The following LMO7 variants were observed in gnomAD, a reference collection of about 807,000 sequenced individuals.
LMO7 encodes LIM domain only protein 7.
Under a neutral mutation model 206.5 loss-of-function variants are expected in LMO7, and 120 were observed. The observed-to-expected ratio is 0.58, with a 90% CI of 0.50 to 0.68. The LOEUF is 0.68. LMO7 is among the 30% of genes least tolerant of loss of function. The pLI is 0.00. For synonymous variants in LMO7, 706 were observed against 681.5 expected (o/e 1.04, Z -0.56); for missense variants, 1,959 against 1,957.9 (o/e 1.00, Z -0.01).
At chr13:75,810,388 A>G (rs2056207992) in intron 11 of LMO7, among the ~76,000 whole-genome samples, 1 of 152,218 alleles carries the variant, frequency 6.6e-6, no homozygotes, top group South Asian at 2.1e-4. Context: ...GTTGGAAGCT[A>G]CTAAATGTAA....
At chr13:75,702,310 A>T (rs1566326246) in intron 1 of LMO7, among the ~76,000 whole-genome samples, 1 of 152,112 alleles carries the variant, frequency 6.6e-6, no homozygotes, top group Non-Finnish European at 1.5e-5. Context: ...TGAAGTTGGA[A>T]GTGTAACTGA....
upstream of LMO7, among the ~76,000 whole-genome samples, chr13:75,635,023 CAAAACAA>C (rs1261511767): frequency 6.8e-6 from 1 of 147,464 alleles, no homozygotes; most frequent in African/African-American, 2.5e-5. Context: ...CAAAACAAAA[CAAAACAA>C]AACAAAACAA....
chr13:75,849,485 C>A (rs1008075860), intron 27 of LMO7, among the ~76,000 whole-genome samples, 193 bp downstream of exon 27: 50 of 149,318 alleles, frequency 3.3e-4, no homozygotes, highest in African/African-American at 1.2e-3. Context: ...ATAATTCTGG[C>A]TGTTTTTTTT....
chr13:75,697,732 T>G (rs956353156), intron 1 of LMO7, among the ~76,000 whole-genome samples: 5 of 152,208 alleles, frequency 3.3e-5, no homozygotes, highest in African/African-American at 1.2e-4. Flanking sequence ...TGCTTCAACT[T>G]TTATAACCTT....
chr13:75,817,007 C>A (rs2057076228), intron 11 of LMO7, 154 bp from the exon 12 acceptor site: 1 of 492,204 alleles, frequency 2.0e-6, no homozygotes, highest in Non-Finnish European at 3.6e-6. Flanking sequence ...TGGAAAAACA[C>A]CATTTATCTC....
intron 1 of LMO7, among the ~76,000 whole-genome samples, chr13:75,651,775 G>T (rs1013714577): frequency 6.6e-6 from 1 of 152,140 alleles, no homozygotes; most frequent in South Asian, 2.1e-4. Context: ...CCTTGTCTGG[G>T]ACTAAAAGAT....
intron 25 of LMO7, 35 bp downstream of exon 25, chr13:75,842,951 A>G: frequency 7.8e-7 from 1 of 1,290,276 alleles, no homozygotes; most frequent in South Asian, 1.2e-5. Context: ...TTAATTGATG[A>G]TAATGGCTTC....
intron 1 of LMO7, among the ~76,000 whole-genome samples, chr13:75,670,822 C>T (rs755860100): frequency 5.9e-5 from 9 of 152,132 alleles, no homozygotes; most frequent in East Asian, 1.9e-4. Flanking sequence ...AAACTTGGCT[C>T]ACTGTAACTT....
chr13:75,745,775 T>A (rs1382913651), intron 3 of LMO7, among the ~76,000 whole-genome samples: 1 of 152,008 alleles, frequency 6.6e-6, no homozygotes, highest in East Asian at 1.9e-4. Flanking sequence ...ACTGCTGGAG[T>A]TTGAACTGAA....
In LMO7 at chr13:75,805,316, C is replaced by A. The variant is rs532452852; in HGVS notation, c.915-163C>A. 4.3e-6 allele frequency: 4 copies of A among 927,370 alleles called. No homozygotes were observed. The East Asian group carries it at 8.0e-5, about 19-fold the overall frequency. The allele number at this position is 927,370 out of a possible 1,614,324, so 57.4% of individuals were successfully genotyped here. A position where few individuals can be genotyped will look rare whatever the true frequency, so the allele number is the denominator to read the frequency against. ...GCTATCCTTGAGTTAAAATGAGATG[C>A]TGTTATAATAACTTTGTCCTAGGAG... On this transcript the variant is annotated intron_variant, in intron 8 of 30. Transcript: ENST00000377534.
chr13:75,787,524 C>T (rs1374438409), intron 4 of LMO7, among the ~76,000 whole-genome samples: 1 of 152,206 alleles, frequency 6.6e-6, no homozygotes, highest in African/African-American at 2.4e-5. Flanking sequence ...TACTTATTCA[C>T]TTATCAAGAT....
At position 75,858,566 on chromosome 13, in the gene LMO7, T is replaced by G. The variant is rs1439142874; in HGVS notation, c.*623T>G. The G allele has an allele frequency of 1.3e-5, 2 of 152,684 alleles. No individual in the cohort carries two copies. Among genetic ancestry groups the G allele is most frequent in the African/African-American group, 4.8e-5 (2 of 41,474 alleles). 9.5% of individuals were successfully genotyped at this position (152,684 alleles called of 1,614,324 possible). A position where few individuals can be genotyped will look rare whatever the true frequency, so the allele number is the denominator to read the frequency against. ...TAAGTAATTCCCAATAGAAAGCTGC[T>G]TATTTTCATTAATGAAAAATAACCA... On this transcript the variant is annotated 3_prime_UTR_variant, in exon 31 of 31. Coordinates refer to ENST00000377534, the MANE Select transcript of LMO7 (RefSeq NM_001306080.2).
chr13:75,806,156 A>G (rs1345490898), intron 9 of LMO7: 18 of 999,252 alleles, frequency 1.8e-5, no homozygotes, highest in Non-Finnish European at 2.0e-5. Flanking sequence ...CTAGACGGCA[A>G]CTGCCAAAGA....
In LMO7 at chr13:75,776,350, C is replaced by T. The variant is rs566759538; in HGVS notation, c.317+15312C>T. On this transcript the variant is annotated intron_variant, in intron 4 of 30. Coordinates refer to ENST00000377534, the MANE Select transcript of LMO7 (RefSeq NM_001306080.2). ...TTCTGTATAGTCATTTCCCTTGCCT[C>T]CAGGTGCATTGTTCATTGTTCTCTT... Among the ~76,000 whole-genome samples the T allele has an allele frequency of 6.0e-5, 9 of 151,084 alleles. No homozygotes were observed. In the South Asian group the frequency reaches 8.4e-4, roughly 14 times the overall value.
intron 3 of LMO7, among the ~76,000 whole-genome samples, chr13:75,738,182 G>T (rs1373008930): frequency 1.3e-5 from 2 of 152,314 alleles, no homozygotes; most frequent in African/African-American, 4.8e-5. Context: ...AAATTTCTGT[G>T]TAAGGGTTTA....
At chr13:75,684,992 G>A (rs79870938) in intron 1 of LMO7, among the ~76,000 whole-genome samples, 97 of 152,202 alleles carry the variant, frequency 6.4e-4, no homozygotes, top group African/African-American at 2.0e-3. Context: ...ATGGCATTGC[G>A]ATTTGTTGGG....
At chr13:75,665,252 A>G (rs2038975876) in intron 1 of LMO7, among the ~76,000 whole-genome samples, 1 of 152,136 alleles carries the variant, frequency 6.6e-6, no homozygotes, top group Admixed American at 6.5e-5. Flanking sequence ...GTGTAAATTT[A>G]GAACCAATTA....
intron 1 of LMO7, among the ~76,000 whole-genome samples, chr13:75,681,243 A>G (rs960898980): frequency 3.3e-5 from 5 of 152,114 alleles, no homozygotes; most frequent in Admixed American, 2.0e-4. Flanking sequence ...GCCCATGTCT[A>G]TGTCCTGAAT....
At chr13:75,838,457 A>T in intron 20 of LMO7, 4 of 525,716 alleles carry the variant, frequency 7.6e-6, no homozygotes, top group Admixed American at 8.7e-5. Flanking sequence ...ACTTTGTAAA[A>T]AAAAAAAAAA....
Sources: allele counts gnomAD v4.1 joint callset (sites outside exome capture counted in the v4.1 genomes callset), GRCh38; gene constraint gnomAD v4.1.1; transcripts MANE v1.5; gene names NCBI Gene and HGNC (gene_info 2026-07-23, HGNC 2026-07-21).